Variants in CPEB2 observed in about 807,000 individuals in gnomAD.
CPEB2 encodes the protein cytoplasmic polyadenylation element-binding protein 2.
In CPEB2, 56 loss-of-function variants were observed where a neutral mutation model predicts 93.6. The ratio of observed to expected loss-of-function variants is 0.60; its 90% confidence interval spans 0.48 to 0.75. The LOEUF is 0.75. Among genes scored for constraint, CPEB2 ranks in the 30% least tolerant of loss-of-function variants. CPEB2 has a pLI of 0.00. For missense variants in CPEB2, 1,579 were observed against 1,395.1 expected, an observed-to-expected ratio of 1.13 and a Z score of -2.10; for synonymous variants, 764 against 586.3, an observed-to-expected ratio of 1.30 and a Z score of -4.38.
At position 15,067,583 on chromosome 4, in the gene CPEB2, C is replaced by G. The variant is rs1308795447; in HGVS notation, c.*1203C>G. On this transcript the variant is annotated 3_prime_UTR_variant, in exon 12 of 12. Transcript: ENST00000538197. The stretch of plus-strand genomic sequence containing the variant: ...GGCCAGCACACTGCTAACCAGTCAC[C>G]AAATGTAAGACCCATAAGAAACCCA... 6.6e-6 allele frequency: 1 copy of G among 152,312 alleles called. No homozygotes were observed. The highest frequency in any genetic ancestry group is 2.4e-5 in the African/African-American group (1 of 41,388). The allele number at this position is 152,312 out of a possible 1,614,324, so 9.4% of individuals were successfully genotyped here.
rs199895534 is a variant in CPEB2, at chr4:15,007,323, C to G, written c.1681C>G (p.Pro561Ala). 4 of 1,542,522 alleles carry G rather than the reference C, an allele frequency of 2.6e-6. No homozygotes were observed. The highest frequency in any genetic ancestry group is 3.5e-6 in the Non-Finnish European group (4 of 1,135,700). The change falls in exon 2 of 12, where the codon CCC becomes GCC. Residue 561 changes from proline (P) to alanine (A), a missense_variant. Physicochemically the swap from Pro to Ala is conservative, Grantham distance 27. Coordinates refer to ENST00000538197, the MANE Select transcript of CPEB2 (RefSeq NM_001177382.2). The stretch of plus-strand genomic sequence containing the variant: ...TCCCTAGCCTCTTCTGAAACAGTCT[C>G]CCTGGAGCAACCATCAGAGCAGTGG... ...NHHQPLLKQS[P>A]WSNHQSSGWG...
intron 3 of CPEB2, among the ~76,000 whole-genome samples, chr4:15,016,748 T>C (rs1005390661): frequency 1.3e-5 from 2 of 152,010 alleles, no homozygotes; most frequent in African/African-American, 4.8e-5. Flanking sequence ...GATAGATGTT[T>C]AAAGTATGGT....
At chr4:15,013,065 G>GT (rs1449408661) in intron 3 of CPEB2, among the ~76,000 whole-genome samples, 1 of 151,686 alleles carries the variant, frequency 6.6e-6, no homozygotes, top group Non-Finnish European at 1.5e-5. Flanking sequence ...CTTTTCTTAG[G>GT]TTATCTTTTT....
At chr4:15,050,101 G>A (rs559838048) in intron 6 of CPEB2, among the ~76,000 whole-genome samples, 2 of 152,292 alleles carry the variant, frequency 1.3e-5, no homozygotes, top group South Asian at 2.1e-4. Context: ...ACATAAAACC[G>A]ATACTGGTCC....
At chr4:15,027,254 TATGATTAGGCCAAAA>T (rs1263331654) in intron 4 of CPEB2, among the ~76,000 whole-genome samples, 2 of 152,204 alleles carry the variant, frequency 1.3e-5, no homozygotes, top group Non-Finnish European at 2.9e-5. Context: ...AGTCTTAAAA[TATGATTAGGCCAAAA>T]AATTTATGAT....
At chr4:15,045,589 AAGC>A (rs960057129) in intron 6 of CPEB2, among the ~76,000 whole-genome samples, 2 of 152,172 alleles carry the variant, frequency 1.3e-5, no homozygotes, top group African/African-American at 4.8e-5. Context: ...TAAAATCAAA[AAGC>A]AGAAGACCAT....
intron 11 of CPEB2, among the ~76,000 whole-genome samples, chr4:15,062,820 T>A (rs1375506203): frequency 6.6e-6 from 1 of 152,056 alleles, no homozygotes; most frequent in Admixed American, 6.6e-5. Context: ...AAACTTAAAA[T>A]TTTTTTAGTA....
At chr4:15,045,710 C>T (rs576717978) in intron 6 of CPEB2, among the ~76,000 whole-genome samples, 5 of 151,974 alleles carry the variant, frequency 3.3e-5, no homozygotes, top group Admixed American at 6.6e-5. Flanking sequence ...CTGATTTTAA[C>T]GGCAAGGAAA....
chr4:15,007,277 G>T, intron 1 of CPEB2, 28 bp from the exon 2 acceptor site: 1 of 1,386,104 alleles, frequency 7.2e-7, no homozygotes, highest in Non-Finnish European at 9.4e-7. Context: ...TTTAAATGCC[G>T]CAATTTAAAT....
At chr4:15,025,727 C>A (rs905861403) in intron 4 of CPEB2, among the ~76,000 whole-genome samples, 1 of 151,956 alleles carries the variant, frequency 6.6e-6, no homozygotes, top group Non-Finnish European at 1.5e-5. Context: ...ACAGTTATAA[C>A]CAGAGCTTCT....
chr4:15,027,779 A>G (rs747559378), intron 4 of CPEB2, among the ~76,000 whole-genome samples: 19 of 152,138 alleles, frequency 1.2e-4, no homozygotes, highest in Non-Finnish European at 2.1e-4. Context: ...CATACATATC[A>G]TTTATTGAAC....
At chr4:15,005,559 G>A (rs1440939492) in intron 1 of CPEB2, among the ~76,000 whole-genome samples, 1 of 152,136 alleles carries the variant, frequency 6.6e-6, no homozygotes, top group Non-Finnish European at 1.5e-5. Context: ...AGTTCATTCT[G>A]TTTAAGTCCA....
At chr4:15,005,217 C>G (rs996361195) in intron 1 of CPEB2, 1 of 152,232 alleles carries the variant, frequency 6.6e-6, no homozygotes, top group African/African-American at 2.4e-5. Flanking sequence ...CCACGAATGT[C>G]TTAGTTTCTG....
chr4:15,058,045 AC>A lies in CPEB2; in HGVS notation c.2462-374del, dbSNP rs536845671. 7.2e-5 allele frequency among the ~76,000 whole-genome samples: 11 copies of A among 152,212 alleles called. No homozygotes were observed. In the East Asian group the frequency reaches 1.7e-3, roughly 24 times the overall value. Reference sequence around the variant, plus strand: ...ATCACTACTAGAAAGCGCATGGGAGACCTTGGGGCTGACCTCGGTTTGAAAT... The same window carrying A: ...ATCACTACTAGAAAGCGCATGGGAGACTTGGGGCTGACCTCGGTTTGAAAT... On this transcript the variant is annotated intron_variant, in intron 8 of 11. Transcript: ENST00000538197.
intron 8 of CPEB2, among the ~76,000 whole-genome samples, chr4:15,058,148 A>G (rs951520424): frequency 6.6e-6 from 1 of 152,220 alleles, no homozygotes; most frequent in African/African-American, 2.4e-5. Flanking sequence ...ATAATATTTC[A>G]TAGACTTTTG....
intron 7 of CPEB2, among the ~76,000 whole-genome samples, chr4:15,053,417 TAGG>T: frequency 6.6e-6 from 1 of 152,284 alleles, no homozygotes; most frequent in South Asian, 2.1e-4. Flanking sequence ...AATAGGAAAT[TAGG>T]GTTTCACAAA....
intron 4 of CPEB2, among the ~76,000 whole-genome samples, chr4:15,023,848 G>A (rs1192346030): frequency 1.3e-5 from 2 of 151,358 alleles, no homozygotes; most frequent in African/African-American, 4.9e-5. Flanking sequence ...ATTCTAATAT[G>A]ACTTAATATC....
At chr4:15,028,330 AT>A (rs34980018) in intron 4 of CPEB2, among the ~76,000 whole-genome samples, 2,719 of 149,204 alleles carry the variant, frequency 0.018, 83 homozygotes, top group African/African-American at 0.059. Context: ...TTGTTCTATG[AT>A]TTTTTTTTTT....
chr4:15,003,461 A>T lies in CPEB2; in HGVS notation c.788A>T (p.Gln263Leu). ...QRPADLPPLP[Q>L]LPPSPPAAPR... ...CCGGCAGACCTGCCCCCGCTCCCGCAGCTCCCTCCCTCGCCGCCTGCAGCC... is the reference window on the plus strand; with the variant it reads ...CCGGCAGACCTGCCCCCGCTCCCGCTGCTCCCTCCCTCGCCGCCTGCAGCC... Residue 263 changes from glutamine to leucine, a missense_variant, in exon 1 of 12, where the codon CAG becomes CTG. Coordinates refer to ENST00000538197, the MANE Select transcript of CPEB2 (RefSeq NM_001177382.2). 7.2e-7 allele frequency: 1 copy of T among 1,379,654 alleles called. No individual in the cohort carries two copies. The highest frequency in any genetic ancestry group is 3.1e-5 in the East Asian group (1 of 32,158). The allele number at this position is 1,379,654 out of a possible 1,614,324, so 85.5% of individuals were successfully genotyped here. A position where few individuals can be genotyped will look rare whatever the true frequency, so the allele number is the denominator to read the frequency against.
Sources: gnomAD v4.1 joint callset for allele counts (sites outside exome capture counted in the v4.1 genomes callset) on GRCh38, gnomAD v4.1.1 for gene constraint, MANE v1.5 for transcripts, NCBI Gene and HGNC (gene_info 2026-07-23, HGNC 2026-07-21) for gene names.